Variants in GABRB3 observed in about 807,000 individuals in gnomAD.
GABRB3 encodes gamma-aminobutyric acid receptor subunit beta-3.
Under a neutral mutation model 52.1 loss-of-function variants are expected in GABRB3, and 14 were observed. That is an observed-to-expected ratio of 0.27 (90% confidence interval 0.18 to 0.42). GABRB3 has a LOEUF of 0.42. GABRB3 is among the 10% of genes least tolerant of loss of function. The pLI, the probability that GABRB3 is intolerant of heterozygous loss-of-function variation, is 1.00. For missense variants in GABRB3, 307 were observed against 609.1 expected, an observed-to-expected ratio of 0.50 and a Z score of 5.22; for synonymous variants, 260 against 232.3, an observed-to-expected ratio of 1.12 and a Z score of -1.08.
chr15:26,711,586 G>C (rs977440128), intron 3 of GABRB3, among the ~76,000 whole-genome samples: 3 of 152,048 alleles, frequency 2.0e-5, no homozygotes, highest in South Asian at 2.1e-4. Context: ...CCCCGCCCCA[G>C]GCTCCCCATC....
chr15:26,676,177 A>G (rs1346633833), intron 3 of GABRB3, among the ~76,000 whole-genome samples: 2 of 152,198 alleles, frequency 1.3e-5, no homozygotes, highest in East Asian at 1.9e-4. Flanking sequence ...TAAGCAATGA[A>G]TTCTTCAGCA....
intron 3 of GABRB3, chr15:26,624,549 C>T (rs928834310): frequency 3.0e-6 from 3 of 985,440 alleles, no homozygotes; most frequent in South Asian, 4.7e-5. Context: ...TGGACTGTGT[C>T]GCTCTCCGCA....
intron 3 of GABRB3, among the ~76,000 whole-genome samples, chr15:26,675,916 C>A (rs1203508864): frequency 6.6e-6 from 1 of 152,140 alleles, no homozygotes; most frequent in Non-Finnish European, 1.5e-5. Context: ...AGGGTTCTTG[C>A]TAAAAGTTTC....
chr15:26,557,847 T>C (rs547089257), intron 8 of GABRB3: 6 of 152,344 alleles, frequency 3.9e-5, no homozygotes, highest in Admixed American at 2.0e-4. Context: ...TAATTTATAA[T>C]ATACTTTTTC....
intron 3 of GABRB3, among the ~76,000 whole-genome samples, chr15:26,755,858 A>G (rs1375258312): frequency 6.6e-6 from 1 of 152,246 alleles, no homozygotes; most frequent in Non-Finnish European, 1.5e-5. Context: ...ATATTCATCA[A>G]AACATTATTT....
chr15:26,759,264 AT>A (rs1186003306), intron 3 of GABRB3, among the ~76,000 whole-genome samples: 10 of 151,998 alleles, frequency 6.6e-5, no homozygotes, highest in Admixed American at 2.6e-4. Flanking sequence ...GCAAAAAAAA[AT>A]TTTTTTTGAG....
At chr15:26,753,806 A>T (rs779137353) in intron 3 of GABRB3, among the ~76,000 whole-genome samples, 5 of 152,220 alleles carry the variant, frequency 3.3e-5, no homozygotes, top group Non-Finnish European at 7.3e-5. Context: ...CATGGGGAGC[A>T]GCATCTCTGT....
intron 7 of GABRB3, among the ~76,000 whole-genome samples, chr15:26,562,744 T>A (rs1369245056): frequency 6.6e-6 from 1 of 152,196 alleles, no homozygotes; most frequent in East Asian, 1.9e-4. Flanking sequence ...GAGAGCAAGC[T>A]AGACAGCCCA....
At chr15:26,680,578 T>A (rs1268018818) in intron 3 of GABRB3, among the ~76,000 whole-genome samples, 1 of 152,216 alleles carries the variant, frequency 6.6e-6, no homozygotes, top group East Asian at 1.9e-4. Context: ...GATGCTTACC[T>A]TTCAGAGTAA....
intron 7 of GABRB3, among the ~76,000 whole-genome samples, chr15:26,565,261 T>C (rs1595443873): frequency 6.6e-6 from 1 of 152,184 alleles, no homozygotes; most frequent in African/African-American, 2.4e-5. Flanking sequence ...TCCCAGTGAC[T>C]GTAGATCTAG....
Position 26,544,516 on chromosome 15 carries a change from C to T in GABRB3, c.*3277G>A, listed in dbSNP as rs1346393565. 6.6e-6 allele frequency: 1 copy of T among 152,338 alleles called. No individual in the cohort carries two copies. The highest frequency in any genetic ancestry group is 1.9e-4 in the East Asian group (1 of 5,182). The allele number at this position is 152,338 out of a possible 1,614,324, so 9.4% of individuals were successfully genotyped here. A position where few individuals can be genotyped will look rare whatever the true frequency, so the allele number is the denominator to read the frequency against. The stretch of plus-strand genomic sequence containing the variant: ...CTAATGGAAATATTATCATGACATA[C>T]TTTCTAGTTCGTTTGAGATTCAGGG... On this transcript the variant is annotated 3_prime_UTR_variant, in exon 9 of 9. Transcript: ENST00000311550.
At chr15:26,662,721 C>T (rs567376890) in intron 3 of GABRB3, among the ~76,000 whole-genome samples, 16 of 152,138 alleles carry the variant, frequency 1.1e-4, no homozygotes, top group Non-Finnish European at 2.1e-4. Flanking sequence ...CCTTTCAGGG[C>T]AGTGTCATTA....
chr15:26,627,612 G>A (rs966574956), intron 3 of GABRB3, among the ~76,000 whole-genome samples: 3 of 152,014 alleles, frequency 2.0e-5, no homozygotes, highest in South Asian at 2.1e-4. Context: ...TGCAGATGTG[G>A]TGGGAATAGC....
chr15:26,571,228 C>CTG (rs375319472), intron 6 of GABRB3, among the ~76,000 whole-genome samples: 5 of 151,684 alleles, frequency 3.3e-5, no homozygotes, highest in Non-Finnish European at 7.4e-5. Flanking sequence ...ATGGAACAGT[C>CTG]TGCATCAGTC....
intron 4 of GABRB3, among the ~76,000 whole-genome samples, chr15:26,604,741 C>T (rs1166200648): frequency 6.6e-6 from 1 of 151,992 alleles, no homozygotes; most frequent in African/African-American, 2.4e-5. Context: ...TGACCCCTAT[C>T]TCGCACCTTA....
intron 3 of GABRB3, among the ~76,000 whole-genome samples, chr15:26,671,206 C>T (rs1477516927): frequency 6.6e-6 from 1 of 152,184 alleles, no homozygotes; most frequent in Non-Finnish European, 1.5e-5. Flanking sequence ...AATAACTGGT[C>T]ATTTTCCTTT....
At chr15:26,684,766 G>A (rs981563531) in intron 3 of GABRB3, among the ~76,000 whole-genome samples, 11 of 152,260 alleles carry the variant, frequency 7.2e-5, no homozygotes, top group African/African-American at 2.6e-4. Flanking sequence ...AACACTGATG[G>A]ATTCAGCTCG....
chr15:26,686,181 G>A (rs1443759764), intron 3 of GABRB3, among the ~76,000 whole-genome samples: 1 of 152,090 alleles, frequency 6.6e-6, no homozygotes, highest in Non-Finnish European at 1.5e-5. Context: ...CTGGCCTCAA[G>A]GGATCTTCCT....
intron 3 of GABRB3, among the ~76,000 whole-genome samples, chr15:26,706,065 T>C (rs766874531): frequency 6.6e-6 from 1 of 152,028 alleles, no homozygotes; most frequent in Non-Finnish European, 1.5e-5. Context: ...TAAAAAACAA[T>C]AAATAGATAA....
Sources: gnomAD v4.1 joint callset for allele counts (sites outside exome capture counted in the v4.1 genomes callset) on GRCh38, gnomAD v4.1.1 for gene constraint, MANE v1.5 for transcripts, NCBI Gene and HGNC (gene_info 2026-07-23, HGNC 2026-07-21) for gene names.